Variants in PRKAR1B observed in about 807,000 individuals in gnomAD.
The protein encoded by PRKAR1B is cAMP-dependent protein kinase type I-beta regulatory subunit.
A neutral mutation model predicts 46.5 loss-of-function variants in PRKAR1B; 22 were observed. The ratio of observed to expected loss-of-function variants is 0.47; its 90% CI spans 0.34 to 0.68. PRKAR1B has a LOEUF of 0.68. PRKAR1B is among the 30% of genes least tolerant of loss of function. PRKAR1B has a pLI of 0.01. For synonymous variants in PRKAR1B, 259 were observed against 217.7 expected (o/e 1.19, Z -1.67); for missense variants, 445 against 535.6 (o/e 0.83, Z 1.67).
Position 623,842 on chromosome 7 carries a change from G to T in PRKAR1B, c.441-16390C>A, listed in dbSNP as rs1184479281. The stretch of plus-strand genomic sequence containing the variant: ...CATTGGAGAGAGAAGCGCGTGAATG[G>T]CCAGGGTTCAGGGTATGGAATGAAC... On this transcript the variant is annotated intron_variant, in intron 4 of 10. Coordinates refer to ENST00000537384, the MANE Select transcript of PRKAR1B (RefSeq NM_001164760.2). 3.9e-5 allele frequency among the ~76,000 whole-genome samples: 6 copies of T among 152,208 alleles called. No individual in the cohort carries two copies. In the East Asian group the frequency reaches 1.2e-3, roughly 29 times the overall value.
intron 7 of PRKAR1B, 49 bp from the exon 8 acceptor site, chr7:584,617 T>C (rs749111619): frequency 6.7e-7 from 1 of 1,482,872 alleles, no homozygotes; most frequent in Non-Finnish European, 9.4e-7. Context: ...TCTTCATACC[T>C]GGATCATCCT....
intron 9 of PRKAR1B, among the ~76,000 whole-genome samples, chr7:575,287 C>A (rs1779755977): frequency 6.6e-6 from 1 of 152,228 alleles, no homozygotes. Context: ...GAGGCTGGGG[C>A]TGCGCTGGCT....
chr7:561,887 G>A (rs1469078342), intron 9 of PRKAR1B: 2 of 152,274 alleles, frequency 1.3e-5, no homozygotes, highest in Admixed American at 1.3e-4. Flanking sequence ...GCATGCCAGA[G>A]TGAGGCAGGC....
chr7:679,420 G>C (rs1026375504), intron 3 of PRKAR1B, among the ~76,000 whole-genome samples: 4 of 152,218 alleles, frequency 2.6e-5, no homozygotes, highest in South Asian at 2.1e-4. Flanking sequence ...CCGCAATTTA[G>C]GTTTATTTGA....
chr7:716,325 G>A (rs184540834), intron 1 of PRKAR1B, among the ~76,000 whole-genome samples: 205 of 151,662 alleles, frequency 1.4e-3, no homozygotes, highest in African/African-American at 4.5e-3. Flanking sequence ...CAGAGTGCTG[G>A]GACTACAGGT....
At chr7:716,002 A>G (rs1199820157) in intron 1 of PRKAR1B, among the ~76,000 whole-genome samples, 2 of 151,540 alleles carry the variant, frequency 1.3e-5, no homozygotes, top group Admixed American at 6.6e-5. Context: ...GGCGTGAGCC[A>G]CCGCACCCGG....
At chr7:606,885 CATATGTATATATGTGTACAT>C (rs1782103420) in intron 5 of PRKAR1B, among the ~76,000 whole-genome samples, 1 of 150,526 alleles carries the variant, frequency 6.6e-6, no homozygotes, top group Non-Finnish European at 1.5e-5. Flanking sequence ...TATACACACA[CATATGTATATATGTGTACAT>C]ATATGTATAC....
intron 9 of PRKAR1B, among the ~76,000 whole-genome samples, chr7:570,423 C>T (rs1413023162): frequency 6.6e-6 from 1 of 152,182 alleles, no homozygotes; most frequent in Non-Finnish European, 1.5e-5. Flanking sequence ...TCCGCTCTTG[C>T]GTAGCCTCGC....
intron 9 of PRKAR1B, among the ~76,000 whole-genome samples, chr7:556,632 C>T (rs184462588): frequency 1.3e-4 from 20 of 152,318 alleles, no homozygotes; most frequent in East Asian, 3.9e-4. Context: ...TCATCCCTCC[C>T]GGAAGGGGCT....
intron 4 of PRKAR1B, among the ~76,000 whole-genome samples, chr7:621,821 C>G (rs534847100): frequency 6.6e-6 from 1 of 152,340 alleles, no homozygotes; most frequent in South Asian, 2.1e-4. Flanking sequence ...TCTAAAGCAG[C>G]AGGGAGGACT....
At chr7:727,585 T>G, upstream of PRKAR1B, 2 of 187,732 alleles carry the variant, frequency 1.1e-5, no homozygotes, top group Middle Eastern at 1.8e-3. Context: ...TCTACCCCCA[T>G]GTACCTGTTT....
At chr7:610,971 G>GA (rs1203375804) in intron 4 of PRKAR1B, among the ~76,000 whole-genome samples, 3 of 152,178 alleles carry the variant, frequency 2.0e-5, no homozygotes, top group African/African-American at 7.2e-5. Flanking sequence ...CCTGGTAAGA[G>GA]AAAGAAAAAC....
chr7:718,895 A>G (rs1662276292), intron 1 of PRKAR1B, among the ~76,000 whole-genome samples: 2 of 99,028 alleles, frequency 2.0e-5, no homozygotes, highest in South Asian at 7.7e-4. Context: ...TTGATGAGAT[A>G]AGGTCTCGCT....
intron 4 of PRKAR1B, among the ~76,000 whole-genome samples, chr7:642,960 C>A (rs1172219728): frequency 6.6e-6 from 1 of 151,318 alleles, no homozygotes; most frequent in Non-Finnish European, 1.5e-5. Context: ...GCCTCAGTTT[C>A]CCCTTCTGTA....
Position 727,207 on chromosome 7 carries a change from C to T in PRKAR1B, c.-23+3G>A. The T allele has an allele frequency of 5.2e-6, 7 of 1,350,950 alleles. No individual in the cohort carries two copies. The highest frequency in any genetic ancestry group is 2.8e-4 in the Middle Eastern group (1 of 3,594). The allele number at this position is 1,350,950 out of a possible 1,614,324, so 83.7% of individuals were successfully genotyped here. Reference sequence around the variant, plus strand: ...CCTGTGCGGCGCCGCGCTCGCGCCCCACCTGGACGACGCTCTGCGCGCGCT... The same window carrying T: ...CCTGTGCGGCGCCGCGCTCGCGCCCTACCTGGACGACGCTCTGCGCGCGCT... On this transcript the variant is annotated splice_donor_region_variant and intron_variant, in intron 1 of 10. Coordinates refer to ENST00000537384, the MANE Select transcript of PRKAR1B (RefSeq NM_001164760.2).
intron 5 of PRKAR1B, among the ~76,000 whole-genome samples, chr7:606,887 T>C (rs533233655): frequency 3.2e-4 from 48 of 152,166 alleles, no homozygotes; most frequent in African/African-American, 8.2e-4. Context: ...TACACACACA[T>C]ATGTATATAT....
intron 2 of PRKAR1B, among the ~76,000 whole-genome samples, chr7:684,297 C>T (rs1006485237): frequency 6.6e-6 from 1 of 152,226 alleles, no homozygotes; most frequent in African/African-American, 2.4e-5. Context: ...CGGGGATTGC[C>T]GGGTGAAGCT....
At chr7:557,765 G>A (rs947864855) in intron 9 of PRKAR1B, among the ~76,000 whole-genome samples, 1 of 152,184 alleles carries the variant, frequency 6.6e-6, no homozygotes, top group South Asian at 2.1e-4. Context: ...TTCCCAGACT[G>A]CCACGAGGCA....
intron 9 of PRKAR1B, among the ~76,000 whole-genome samples, chr7:557,717 C>A (rs987505062): frequency 6.6e-6 from 1 of 152,134 alleles, no homozygotes; most frequent in Admixed American, 6.5e-5. Flanking sequence ...CTCAAGCTGT[C>A]GAAACCTCTG....
Sources: allele counts gnomAD v4.1 joint callset (sites outside exome capture counted in the v4.1 genomes callset), GRCh38; gene constraint gnomAD v4.1.1; transcripts MANE v1.5; gene names NCBI Gene and HGNC (gene_info 2026-07-23, HGNC 2026-07-21).